Variants in TMEM236 observed in about 807,000 individuals in gnomAD.
The protein encoded by TMEM236 is family with sequence similarity 23, member A.
Under a neutral mutation model 14.7 loss-of-function variants are expected in TMEM236, and 11 were observed. The ratio of observed to expected loss-of-function variants is 0.75; its 90% confidence interval spans 0.47 to 1.24. TMEM236 has a LOEUF of 1.24. TMEM236 is among the 50% of genes most tolerant of loss of function. TMEM236 has a pLI of 0.00. For missense variants in TMEM236, 464 were observed against 427.3 expected, an observed-to-expected ratio of 1.09 and a Z score of -0.76; for synonymous variants, 182 against 168.6, an observed-to-expected ratio of 1.08 and a Z score of -0.62.
At chr10:17,785,181 A>T (rs1837813843) in intron 3 of TMEM236, among the ~76,000 whole-genome samples, 1 of 152,216 alleles carries the variant, frequency 6.6e-6, no homozygotes, top group Non-Finnish European at 1.5e-5. Context: ...AGCTATTGCC[A>T]TTGAATCGGG....
intron 2 of TMEM236, 78 bp downstream of exon 2, chr10:17,771,459 C>T (rs1010131936): frequency 1.2e-5 from 17 of 1,401,034 alleles, no homozygotes; most frequent in East Asian, 4.6e-5. Flanking sequence ...GATAGAGCAG[C>T]GTGCTCAACA....
chr10:17,753,681 C>A (rs1157155073), intron 1 of TMEM236, among the ~76,000 whole-genome samples: 1 of 152,140 alleles, frequency 6.6e-6, no homozygotes, highest in African/African-American at 2.4e-5. Context: ...CCTGTCTTTG[C>A]CATTGTGAAT....
intron 1 of TMEM236, among the ~76,000 whole-genome samples, chr10:17,771,041 A>G (rs2131748813): frequency 6.6e-6 from 1 of 152,316 alleles, no homozygotes; most frequent in East Asian, 1.9e-4. Flanking sequence ...GTTGAATGTC[A>G]TTTGACTTGC....
intron 1 of TMEM236, among the ~76,000 whole-genome samples, chr10:17,757,870 G>A (rs1274524308): frequency 6.6e-6 from 1 of 152,074 alleles, no homozygotes; most frequent in Non-Finnish European, 1.5e-5. Flanking sequence ...TGGGGTTTAA[G>A]CTATTGTCTC....
At chr10:17,760,019 C>A (rs1837336264) in intron 1 of TMEM236, among the ~76,000 whole-genome samples, 1 of 149,758 alleles carries the variant, frequency 6.7e-6, no homozygotes, top group African/African-American at 2.5e-5. Flanking sequence ...AAAGATTGCC[C>A]CGAGGGAGCC....
intron 1 of TMEM236, among the ~76,000 whole-genome samples, chr10:17,761,708 AAAAG>A (rs1187946572): frequency 2.0e-5 from 3 of 151,632 alleles, no homozygotes; most frequent in Non-Finnish European, 4.4e-5. Context: ...AAAAAAAAAA[AAAAG>A]AAAAGGAAGT....
Position 17,797,839 on chromosome 10 carries a change from T to C in TMEM236, c.*1335T>C, listed in dbSNP as rs1838042164. 1 of 152,172 alleles carries C rather than the reference T, an allele frequency of 6.6e-6. No individual in the cohort carries two copies. Among genetic ancestry groups the C allele is most frequent in the Admixed American group, 6.6e-5 (1 of 15,262 alleles). The allele number at this position is 152,172 out of a possible 1,614,324, so 9.4% of individuals were successfully genotyped here. A position where few individuals can be genotyped will look rare whatever the true frequency, so the allele number is the denominator to read the frequency against. ...GTACATCAGTAATACCAAGATAAAG[T>C]TTCATAATAAAAAGCCATAAAGTGA... On this transcript the variant is annotated 3_prime_UTR_variant, in exon 4 of 4. Coordinates refer to ENST00000377495, the MANE Select transcript of TMEM236 (RefSeq NM_001098844.3).
At chr10:17,762,676 G>A (rs1267346960) in intron 1 of TMEM236, among the ~76,000 whole-genome samples, 1 of 124,492 alleles carries the variant, frequency 8.0e-6, no homozygotes, top group Non-Finnish European at 1.7e-5. Context: ...TATATATTTA[G>A]GTTTTTGTCG....
At chr10:17,792,871 T>C (rs1468493627) in intron 3 of TMEM236, among the ~76,000 whole-genome samples, 4 of 152,228 alleles carry the variant, frequency 2.6e-5, no homozygotes, top group Admixed American at 2.0e-4. Context: ...AGTGGACATT[T>C]AGAAAGTACT....
chr10:17,796,519 C>A lies in TMEM236; in HGVS notation c.*15C>A. The A allele has an allele frequency of 6.3e-7, 1 of 1,581,702 alleles. No homozygotes were observed. Among genetic ancestry groups the A allele is most frequent in the Non-Finnish European group, 8.7e-7 (1 of 1,150,942 alleles). ...CTCCATTTTAAAAAGGAAATGGGAT[C>A]TAGTAAGGCCTCTTTGTGATACCTG... On this transcript the variant is annotated 3_prime_UTR_variant, in exon 4 of 4. Transcript: ENST00000377495.
At chr10:17,776,507 T>C (rs1339800363) in intron 3 of TMEM236, among the ~76,000 whole-genome samples, 6 of 152,350 alleles carry the variant, frequency 3.9e-5, no homozygotes, top group Admixed American at 1.3e-4. Flanking sequence ...TTAAAGCTTA[T>C]GTTTAAATGG....
At chr10:17,762,612 TATATATACAC>T (rs1837388503) in intron 1 of TMEM236, among the ~76,000 whole-genome samples, 2 of 75,904 alleles carry the variant, frequency 2.6e-5, no homozygotes, top group African/African-American at 2.0e-4. Context: ...TATATATATA[TATATATACAC>T]ACATACATAT....
chr10:17,771,311 G>T lies in TMEM236; in HGVS notation c.260G>T (p.Arg87Ile), dbSNP rs1554834795. 2 of 1,613,854 alleles carry T rather than the reference G, an allele frequency of 1.2e-6. No individual in the cohort carries two copies. The highest frequency in any genetic ancestry group is 1.7e-6 in the Non-Finnish European group (2 of 1,179,784). The change falls in exon 2 of 4, where the codon AGA becomes ATA. Residue 87 changes from arginine (R) to isoleucine (I), a missense_variant and splice_region_variant. Physicochemically the swap from Arg to Ile is moderately conservative, Grantham distance 97 (BLOSUM62 -3). Transcript: ENST00000377495. ...RYIYRKIKGW[R>I]PVLMMCVVLT... is the part of the protein sequence containing the mutation. ...GCTTATTTTTTCTCCTTTGCTAGGA[G>T]ACCTGTTCTGATGATGTGTGTGGTC... is the stretch of plus-strand genomic sequence containing the variant.
chr10:17,763,092 A>T (rs1554834133), intron 1 of TMEM236, among the ~76,000 whole-genome samples: 1 of 152,196 alleles, frequency 6.6e-6, no homozygotes, highest in African/African-American at 2.4e-5. Context: ...TGAAGAAACT[A>T]GAAAATGATA....
Position 17,798,087 on chromosome 10 carries a change from C to G in TMEM236, c.*1583C>G, listed in dbSNP as rs1838045548. 3 of 163,654 alleles carry G rather than the reference C, an allele frequency of 1.8e-5. No homozygotes were observed. Among genetic ancestry groups the G allele is most frequent in the South Asian group, 3.1e-4 (2 of 6,408 alleles). 10.1% of individuals were successfully genotyped at this position (163,654 alleles called of 1,614,324 possible). ...TTTCACCCTGTTGGGACACTCTGAA[C>G]AGTCAGCACTGTTCATTTGATAGTA... On this transcript the variant is annotated 3_prime_UTR_variant, in exon 4 of 4. Coordinates refer to ENST00000377495, the MANE Select transcript of TMEM236 (RefSeq NM_001098844.3).
rs983581712 is a variant in TMEM236 at position 17,754,265 on chromosome 10, A to C, written c.257+1713A>C. Among the ~76,000 whole-genome samples the C allele has an allele frequency of 2.0e-4, 30 of 152,326 alleles. 1 individual carries two copies. In the East Asian group the frequency reaches 5.6e-3, roughly 28 times the overall value. ...ACATTGCATTTTGCAGGCTTACGTC[A>C]TACTTTGACCATTAACTACGACTTT... On this transcript the variant is annotated intron_variant, in intron 1 of 3. Coordinates refer to ENST00000377495, the MANE Select transcript of TMEM236 (RefSeq NM_001098844.3).
chr10:17,781,389 C>G (rs1837745257), intron 3 of TMEM236, among the ~76,000 whole-genome samples: 1 of 152,124 alleles, frequency 6.6e-6, no homozygotes, highest in Admixed American at 6.5e-5. Context: ...AAACTGACTA[C>G]TGTTCATCAA....
In TMEM236 at chr10:17,796,418, A is replaced by G; in HGVS notation, c.970A>G (p.Asn324Asp). 1 of 1,613,832 alleles carries G rather than the reference A, an allele frequency of 6.2e-7. No individual in the cohort carries two copies. Among genetic ancestry groups the G allele is most frequent in the Non-Finnish European group, 8.5e-7 (1 of 1,179,838 alleles). ...CACACCCGTACTGGGCCTGTGTAAA[A>G]ATATCCTCGTGACTCTCTCTTACAT... The part of the protein sequence containing the change: ...TITPVLGLCK[N>D]ILVTLSYIYF... Residue 324 changes from asparagine (N) to aspartate (D), a missense_variant, in exon 4 of 4, where the codon AAT becomes GAT. Transcript: ENST00000377495.
At chr10:17,756,148 TCCCAGC>T (rs1837281142) in intron 1 of TMEM236, among the ~76,000 whole-genome samples, 3 of 152,154 alleles carry the variant, frequency 2.0e-5, no homozygotes, top group Non-Finnish European at 4.4e-5. Context: ...ACGCCTGTAG[TCCCAGC>T]TATTCAAGAG....
Sources: gnomAD v4.1 joint callset for allele counts (sites outside exome capture counted in the v4.1 genomes callset) on GRCh38, gnomAD v4.1.1 for gene constraint, MANE v1.5 for transcripts, NCBI Gene and HGNC (gene_info 2026-07-23, HGNC 2026-07-21) for gene names.